The following GABRA3 variants were observed in gnomAD, a reference collection of about 807,000 sequenced individuals.
GABRA3 encodes the protein gamma-aminobutyric acid type A receptor subunit alpha3.
In GABRA3, 10 loss-of-function variants were observed where a neutral mutation model predicts 30.1. The ratio of observed to expected loss-of-function variants is 0.33; its 90% CI spans 0.20 to 0.56. The LOEUF (loss-of-function observed/expected upper bound fraction) is 0.56. GABRA3 is among the 20% of genes least tolerant of loss of function. The pLI is 0.89. For missense variants in GABRA3, 233 were observed against 392.0 expected, an observed-to-expected ratio of 0.59 and a Z score of 3.42; for synonymous variants, 151 against 146.8, an observed-to-expected ratio of 1.03 and a Z score of -0.21.
At chrX:152,222,401 T>A (rs1235870574) in intron 6 of GABRA3, among the ~76,000 whole-genome samples, 3 of 107,893 alleles carry the variant, frequency 2.8e-5, no homozygotes, top group African/African-American at 1.0e-4. Flanking sequence ...TATTCTTCTT[T>A]ATAGGTTCCA....
intron 2 of GABRA3, among the ~76,000 whole-genome samples, chrX:152,351,755 TC>T (rs1484109791): frequency 5.4e-5 from 6 of 111,875 alleles, no homozygotes; most frequent in Non-Finnish European, 1.1e-4. Context: ...TGTCATGCCT[TC>T]CTTACTAAGC....
chrX:152,390,740 C>A lies in GABRA3; in HGVS notation c.-26-26144G>T, dbSNP rs150625847. Among the ~76,000 whole-genome samples, 81 of 110,899 alleles carry A rather than the reference C, an allele frequency of 7.3e-4. No homozygotes were observed. In the East Asian group the frequency reaches 0.021, roughly 29 times the overall value. Reference sequence around the variant, plus strand: ...CATGATAGAGAATGAAGAAAAAATTCTAGTATAATAACGATGATAACGATG... The same window carrying A: ...CATGATAGAGAATGAAGAAAAAATTATAGTATAATAACGATGATAACGATG... On this transcript the variant is annotated intron_variant, in intron 1 of 9. Coordinates refer to ENST00000370314, the MANE Select transcript of GABRA3 (RefSeq NM_000808.4).
intron 1 of GABRA3, among the ~76,000 whole-genome samples, chrX:152,391,233 T>C (rs1929473836): frequency 1.8e-5 from 2 of 111,338 alleles, no homozygotes; most frequent in South Asian, 3.8e-4. Context: ...AGTTCAGGAG[T>C]AGACAATGAC....
chrX:152,197,079 G>A (rs1447212221), intron 8 of GABRA3, among the ~76,000 whole-genome samples: 1 of 112,099 alleles, frequency 8.9e-6, no homozygotes, highest in Non-Finnish European at 1.9e-5. Context: ...TGAGGAAAAA[G>A]TGCTAATGAT....
chrX:152,251,249 C>A, intron 5 of GABRA3: 2 of 192,636 alleles, frequency 1.0e-5, no homozygotes, highest in Non-Finnish European at 1.0e-5. Flanking sequence ...TTGTCCAATT[C>A]AGACTAGAAT....
chrX:152,292,605 T>C (rs1255126247), intron 3 of GABRA3, among the ~76,000 whole-genome samples: 1 of 111,384 alleles, frequency 9.0e-6, no homozygotes, highest in Non-Finnish European at 1.9e-5. Context: ...TGAATTTGCT[T>C]GTTGTTGCTT....
At chrX:152,328,865 G>C (rs1940113096) in intron 3 of GABRA3, among the ~76,000 whole-genome samples, 1 of 111,733 alleles carries the variant, frequency 8.9e-6, no homozygotes, top group South Asian at 3.8e-4. Flanking sequence ...TCAGGCAAGA[G>C]AAAGAAATAA....
intron 6 of GABRA3, among the ~76,000 whole-genome samples, chrX:152,219,134 A>G (rs1006732572): frequency 1.8e-5 from 2 of 111,145 alleles, no homozygotes; most frequent in African/African-American, 6.5e-5. Flanking sequence ...AAATGTTATC[A>G]TGTCTAAAGA....
At chrX:152,322,263 T>C (rs1192943437) in intron 3 of GABRA3, among the ~76,000 whole-genome samples, 1 of 112,240 alleles carries the variant, frequency 8.9e-6, no homozygotes, top group Admixed American at 9.5e-5. Flanking sequence ...TATGATTTCA[T>C]CTATACGAAA....
At chrX:152,208,314 T>C (rs1937596816) in intron 6 of GABRA3, among the ~76,000 whole-genome samples, 170 bp from the exon 7 acceptor site, 2 of 112,264 alleles carry the variant, frequency 1.8e-5, no homozygotes, top group African/African-American at 6.5e-5. Flanking sequence ...CATCCATCCA[T>C]ACAATAAACT....
chrX:152,261,076 G>T (rs1203161346), intron 4 of GABRA3, among the ~76,000 whole-genome samples: 1 of 111,196 alleles, frequency 9.0e-6, no homozygotes, highest in Non-Finnish European at 1.9e-5. Flanking sequence ...CCAGGCAAGA[G>T]GGGGAAAAGC....
At chrX:152,282,488 G>A (rs968407568) in intron 4 of GABRA3, among the ~76,000 whole-genome samples, 1 of 112,095 alleles carries the variant, frequency 8.9e-6, no homozygotes, top group African/African-American at 3.2e-5. Flanking sequence ...ATTCTGCCTT[G>A]TGACTGGATG....
chrX:152,354,136 C>G (rs1021081160), intron 2 of GABRA3, among the ~76,000 whole-genome samples: 8 of 111,262 alleles, frequency 7.2e-5, no homozygotes, highest in African/African-American at 2.6e-4. Flanking sequence ...GTGCCTCATT[C>G]TTACTTAAAA....
intron 1 of GABRA3, among the ~76,000 whole-genome samples, chrX:152,428,263 C>G (rs188591909): frequency 5.8e-4 from 65 of 112,095 alleles, no homozygotes; most frequent in Non-Finnish European, 5.5e-4. Context: ...CACCCAGATT[C>G]CAAAACATGC....
intron 3 of GABRA3, among the ~76,000 whole-genome samples, chrX:152,291,945 A>G (rs1422883792): frequency 1.8e-5 from 2 of 111,780 alleles, no homozygotes; most frequent in African/African-American, 6.5e-5. Flanking sequence ...TTTTTGCATC[A>G]ATGTTCATCA....
chrX:152,182,544 GTA>G (rs1569348309), intron 9 of GABRA3, among the ~76,000 whole-genome samples: 1 of 76,251 alleles, frequency 1.3e-5, no homozygotes, highest in East Asian at 4.2e-4. Flanking sequence ...CATATATAGT[GTA>G]TATATACACT....
At chrX:152,268,054 T>A (rs1938860214) in intron 4 of GABRA3, among the ~76,000 whole-genome samples, 1 of 111,758 alleles carries the variant, frequency 8.9e-6, no homozygotes, top group Non-Finnish European at 1.9e-5. Context: ...TTTTTTAGTT[T>A]TTGAAGTGCA....
intron 8 of GABRA3, among the ~76,000 whole-genome samples, chrX:152,193,351 C>T (rs1699480308): frequency 8.9e-6 from 1 of 111,909 alleles, no homozygotes; most frequent in South Asian, 3.7e-4. Context: ...CATGTTGTTG[C>T]ATCTATCTAT....
chrX:152,303,719 C>A (rs1227423431), intron 3 of GABRA3, among the ~76,000 whole-genome samples: 2 of 110,343 alleles, frequency 1.8e-5, no homozygotes, highest in Non-Finnish European at 3.8e-5. Flanking sequence ...GAACAGAAAA[C>A]CAAACACCAC....
Sources: allele counts gnomAD v4.1 joint callset (sites outside exome capture counted in the v4.1 genomes callset), GRCh38; gene constraint gnomAD v4.1.1; transcripts MANE v1.5; gene names NCBI Gene and HGNC (gene_info 2026-07-23, HGNC 2026-07-21).